DLG2: variants seen among roughly 807,000 people sequenced by gnomAD.
DLG2 encodes disks large homolog 2.
A neutral mutation model predicts 132.5 loss-of-function variants in DLG2; 45 were observed. That is an observed-to-expected ratio of 0.34 (90% CI 0.27 to 0.44). The LOEUF (loss-of-function observed/expected upper bound fraction) is 0.44. DLG2 is among the 20% of genes least tolerant of loss of function. The pLI is 1.00. For missense variants in DLG2, 1,045 were observed against 1,196.9 expected, an observed-to-expected ratio of 0.87 and a Z score of 1.87; for synonymous variants, 424 against 419.6, an observed-to-expected ratio of 1.01 and a Z score of -0.13.
intron 6 of DLG2, among the ~76,000 whole-genome samples, chr11:84,756,204 G>C (rs1049417390): frequency 2.0e-5 from 3 of 152,102 alleles, no homozygotes; most frequent in African/African-American, 7.2e-5. Context: ...TTATGCCTTT[G>C]TTTTCTAGAC....
intron 6 of DLG2, among the ~76,000 whole-genome samples, chr11:84,842,653 T>C (rs1263511613): frequency 6.6e-6 from 1 of 151,916 alleles, no homozygotes; most frequent in Non-Finnish European, 1.5e-5. Flanking sequence ...CAAGTGCCAT[T>C]TCCACAGAAA....
At chr11:85,166,435 A>G (rs2078454744) in intron 4 of DLG2, among the ~76,000 whole-genome samples, 1 of 152,038 alleles carries the variant, frequency 6.6e-6, no homozygotes, top group African/African-American at 2.4e-5. Flanking sequence ...TCAGAACCCA[A>G]TTTGGCTACC....
At chr11:84,381,193 C>T (rs984202760) in intron 7 of DLG2, among the ~76,000 whole-genome samples, 2 of 151,700 alleles carry the variant, frequency 1.3e-5, no homozygotes, top group African/African-American at 4.8e-5. Flanking sequence ...AAAGAGAAAA[C>T]CTGAATAATC....
intron 7 of DLG2, among the ~76,000 whole-genome samples, chr11:84,391,191 A>G (rs1304952925): frequency 6.6e-6 from 1 of 152,236 alleles, no homozygotes; most frequent in Non-Finnish European, 1.5e-5. Context: ...GTTATGCTAC[A>G]TTCATACAGG....
intron 7 of DLG2, among the ~76,000 whole-genome samples, chr11:84,472,155 C>T (rs1009531434): frequency 1.3e-5 from 2 of 151,782 alleles, no homozygotes; most frequent in African/African-American, 4.8e-5. Context: ...GTTCGTATTG[C>T]TATCTTATGG....
chr11:83,800,501 G>A (rs1053979132), intron 17 of DLG2, among the ~76,000 whole-genome samples: 5 of 152,188 alleles, frequency 3.3e-5, no homozygotes, highest in Non-Finnish European at 7.3e-5. Flanking sequence ...ATACTTTGTG[G>A]AGAGTGGTAA....
intron 8 of DLG2, among the ~76,000 whole-genome samples, chr11:84,236,158 C>T (rs753999090): frequency 2.6e-5 from 4 of 151,872 alleles, no homozygotes; most frequent in Non-Finnish European, 5.9e-5. Context: ...TTGGCCATAC[C>T]AAAATAACAT....
In DLG2 at chr11:83,469,353, C is replaced by T. The variant is rs1339274504; in HGVS notation, c.2467G>A (p.Asp823Asn). 1 of 1,611,662 alleles carries T rather than the reference C, an allele frequency of 6.2e-7. No individual in the cohort carries two copies. Among genetic ancestry groups the T allele is most frequent in the Non-Finnish European group, 8.5e-7 (1 of 1,179,238 alleles). The part of the protein sequence containing the change: ...CVPHTTRPKR[D>N]YEVDGRDYHF... Reference sequence around the variant, plus strand: ...TAGTCTCTGCCATCCACCTCGTAGTCTCGCTTTGGCCTCGTAGTATCTTTA... The same window carrying T: ...TAGTCTCTGCCATCCACCTCGTAGTTTCGCTTTGGCCTCGTAGTATCTTTA... Residue 823 changes from aspartate to asparagine, a missense_variant, in exon 25 of 28, where the codon GAC (aspartate) becomes AAC (asparagine). This residue lies in a region of DLG2 where 398 missense variants were observed against 543.6 expected (regional missense o/e 0.73). Coordinates refer to ENST00000376104, the MANE Select transcript of DLG2 (RefSeq NM_001142699.3).
chr11:84,144,956 T>G (rs1280322819), intron 9 of DLG2, among the ~76,000 whole-genome samples: 2 of 152,202 alleles, frequency 1.3e-5, no homozygotes, highest in Admixed American at 6.5e-5. Flanking sequence ...CAGGTATTAT[T>G]CAGATGTTAG....
At chr11:85,157,665 C>A (rs1050350595) in intron 4 of DLG2, among the ~76,000 whole-genome samples, 1 of 152,090 alleles carries the variant, frequency 6.6e-6, no homozygotes, top group Non-Finnish European at 1.5e-5. Flanking sequence ...AGCCTCAAAT[C>A]TGCTAAGATT....
At chr11:83,983,271 G>A (rs1324099599) in intron 11 of DLG2, among the ~76,000 whole-genome samples, 2 of 151,944 alleles carry the variant, frequency 1.3e-5, no homozygotes, top group East Asian at 3.9e-4. Context: ...TAATTAACAT[G>A]CAAATTACTC....
At chr11:84,252,137 T>C (rs1180542528) in intron 7 of DLG2, among the ~76,000 whole-genome samples, 3 of 142,498 alleles carry the variant, frequency 2.1e-5, no homozygotes, top group South Asian at 2.3e-4. Context: ...ATTTTCTTTC[T>C]TTCTTTTTTT....
chr11:85,177,611 C>T (rs2079389909), intron 4 of DLG2, among the ~76,000 whole-genome samples: 1 of 152,006 alleles, frequency 6.6e-6, no homozygotes, highest in South Asian at 2.1e-4. Flanking sequence ...TGCAGCAAAC[C>T]ACCATGGCAC....
chr11:84,645,554 G>A (rs947986380), intron 6 of DLG2, among the ~76,000 whole-genome samples: 11 of 152,206 alleles, frequency 7.2e-5, no homozygotes, highest in Middle Eastern at 3.4e-3. Flanking sequence ...TGCAAGCTCC[G>A]CCTCCTGGGT....
chr11:84,229,454 A>T (rs75290537), intron 8 of DLG2, among the ~76,000 whole-genome samples: 1 of 152,220 alleles, frequency 6.6e-6, no homozygotes, highest in Non-Finnish European at 1.5e-5. Flanking sequence ...TTAAATCTCA[A>T]TAAGTGGGCA....
intron 6 of DLG2, among the ~76,000 whole-genome samples, chr11:85,006,129 T>C (rs1018869011): frequency 6.6e-6 from 1 of 152,196 alleles, no homozygotes; most frequent in Non-Finnish European, 1.5e-5. Context: ...AGTTTGCCCA[T>C]AGTTTATTGA....
At chr11:84,655,965 C>T (rs1482754542) in intron 6 of DLG2, among the ~76,000 whole-genome samples, 1 of 152,050 alleles carries the variant, frequency 6.6e-6, no homozygotes, top group Non-Finnish European at 1.5e-5. Context: ...TGATCTGGGC[C>T]TCAGAGTAGA....
At chr11:84,406,154 C>A (rs1243492374) in intron 7 of DLG2, among the ~76,000 whole-genome samples, 1 of 152,152 alleles carries the variant, frequency 6.6e-6, no homozygotes, top group Non-Finnish European at 1.5e-5. Context: ...CCCTACTGCC[C>A]TAGCTGTCAC....
At chr11:84,844,101 ATGTTTGTGTGTGTGTGTGTGTGTGTGTG>A (rs2081103155) in intron 6 of DLG2, among the ~76,000 whole-genome samples, 1 of 79,864 alleles carries the variant, frequency 1.3e-5, no homozygotes, top group Non-Finnish European at 2.7e-5. Flanking sequence ...ATATATATAT[ATGTTTGTGTGTGTGTGTGTGTGTGTGTG>A]TGTGTGTATA....
Sources: gnomAD v4.1 joint callset for allele counts (sites outside exome capture counted in the v4.1 genomes callset) on GRCh38, gnomAD v4.1.1 for gene constraint, gnomAD v4.1.1 regional missense constraint, MANE v1.5 for transcripts, NCBI Gene and HGNC (gene_info 2026-07-23, HGNC 2026-07-21) for gene names.